The following CSPP1 variants were observed in gnomAD, a reference collection of about 807,000 sequenced individuals.
The protein encoded by CSPP1 is centrosome and spindle pole-associated protein 1.
A neutral mutation model predicts 164.4 loss-of-function variants in CSPP1; 126 were observed. The observed-to-expected ratio is 0.77, with a 90% confidence interval of 0.66 to 0.89. The LOEUF (loss-of-function observed/expected upper bound fraction) is 0.89. CSPP1 is among the 40% of genes least tolerant of loss of function. The probability of loss-of-function intolerance (pLI) is 0.00; values close to 1 mark genes in which losing one functional copy is unlikely to be tolerated. For synonymous variants in CSPP1, 472 were observed against 476.7 expected (o/e 0.99, Z 0.13); for missense variants, 1,395 against 1,449.8 (o/e 0.96, Z 0.61).
chr8:67,081,557 A>G (rs1809186436), intron 3 of CSPP1, among the ~76,000 whole-genome samples: 1 of 152,196 alleles, frequency 6.6e-6, no homozygotes, highest in Non-Finnish European at 1.5e-5. Flanking sequence ...TCTAGGCATA[A>G]TGTTTGTGTT....
At chr8:67,172,286 A>AC in intron 24 of CSPP1, 130 bp from the exon 25 acceptor site, 2 of 639,438 alleles carry the variant, frequency 3.1e-6, no homozygotes, top group Admixed American at 5.6e-5. Context: ...GAGCCACAGC[A>AC]CCTGTCCTAG....
chr8:67,166,121 C>T (rs1829259400), intron 24 of CSPP1, among the ~76,000 whole-genome samples: 1 of 152,082 alleles, frequency 6.6e-6, no homozygotes, highest in African/African-American at 2.4e-5. Flanking sequence ...TGACATGTCC[C>T]CATCCTTTTG....
At chr8:67,087,262 C>G (rs1268508525) in intron 4 of CSPP1, among the ~76,000 whole-genome samples, 2 of 152,020 alleles carry the variant, frequency 1.3e-5, no homozygotes, top group Non-Finnish European at 2.9e-5. Flanking sequence ...TGTTTTTCCA[C>G]CAAAATCTAT....
chr8:67,130,807 G>A (rs1257989297), intron 15 of CSPP1, among the ~76,000 whole-genome samples: 1 of 151,930 alleles, frequency 6.6e-6, no homozygotes, highest in Non-Finnish European at 1.5e-5. Flanking sequence ...GGCCAACATG[G>A]TGAAACCCTG....
chr8:67,090,876 A>G (rs1213614020), intron 4 of CSPP1, among the ~76,000 whole-genome samples: 1 of 152,222 alleles, frequency 6.6e-6, no homozygotes, highest in African/African-American at 2.4e-5. Flanking sequence ...TATCCTTATA[A>G]CCTAGTGATG....
At chr8:67,129,084 A>G (rs1008251164) in intron 15 of CSPP1, among the ~76,000 whole-genome samples, 9 of 152,338 alleles carry the variant, frequency 5.9e-5, no homozygotes, top group South Asian at 2.1e-4. Flanking sequence ...ATGTTAACAG[A>G]ATAAAGAAGA....
At chr8:67,152,077 A>G (rs1331580250) in intron 18 of CSPP1, among the ~76,000 whole-genome samples, 1 of 136,164 alleles carries the variant, frequency 7.3e-6, no homozygotes, top group Non-Finnish European at 1.5e-5. Flanking sequence ...ACAGAGTGAG[A>G]CTCCATCTCA....
chr8:67,150,082 G>T (rs1453836258), intron 18 of CSPP1, 147 bp downstream of exon 18: 3 of 770,436 alleles, frequency 3.9e-6, no homozygotes, highest in Non-Finnish European at 5.5e-6. Flanking sequence ...TTCATAAAGT[G>T]CCTTTTCTTC....
At chr8:67,194,670 TCA>T (rs1202670299) in intron 30 of CSPP1, among the ~76,000 whole-genome samples, 1 of 151,264 alleles carries the variant, frequency 6.6e-6, no homozygotes, top group Admixed American at 6.6e-5. Flanking sequence ...TACCAATCCT[TCA>T]CAGACCAGGA....
At chr8:67,170,936 G>A (rs1830341960) in intron 24 of CSPP1, among the ~76,000 whole-genome samples, 1 of 151,610 alleles carries the variant, frequency 6.6e-6, no homozygotes, top group Non-Finnish European at 1.5e-5. Flanking sequence ...ACAGGCATGC[G>A]CCACCCCACC....
At chr8:67,078,948 G>C (rs1808542479) in intron 3 of CSPP1, among the ~76,000 whole-genome samples, 2 of 152,046 alleles carry the variant, frequency 1.3e-5, no homozygotes, top group Admixed American at 1.3e-4. Flanking sequence ...CTCCAGCCTG[G>C]GTGACAGAGA....
chr8:67,195,294 G>T lies in CSPP1; in HGVS notation c.3470-88G>T, dbSNP rs980776411. ...TGAGACTGTGGGGAAATGCTGAGTT[G>T]TAATGAGTTGGACTACAAGAGACCT... On this transcript the variant is annotated intron_variant, in intron 30 of 30. Coordinates refer to ENST00000678616, the MANE Select transcript of CSPP1 (RefSeq NM_001382391.1). 23 of 830,648 alleles carry T rather than the reference G, an allele frequency of 2.8e-5. No homozygotes were observed. In the African/African-American group the frequency reaches 3.7e-4, roughly 13 times the overall value. The allele number at this position is 830,648 out of a possible 1,614,324, so 51.5% of individuals were successfully genotyped here.
At chr8:67,156,810 CA>C (rs1243189138) in intron 19 of CSPP1, among the ~76,000 whole-genome samples, 1 of 152,164 alleles carries the variant, frequency 6.6e-6, no homozygotes, top group Non-Finnish European at 1.5e-5. Flanking sequence ...GAATGTTTGA[CA>C]TTTTTAACCA....
chr8:67,078,163 C>G (rs910993203), intron 3 of CSPP1, among the ~76,000 whole-genome samples: 5 of 152,040 alleles, frequency 3.3e-5, no homozygotes, highest in African/African-American at 9.7e-5. Context: ...CTTTTAAATT[C>G]TAGGGTTACA....
intron 3 of CSPP1, among the ~76,000 whole-genome samples, chr8:67,078,587 G>A (rs1006929326): frequency 3.9e-5 from 6 of 152,032 alleles, no homozygotes; most frequent in Non-Finnish European, 7.4e-5. Context: ...TCTCGAACTC[G>A]CTAGCTCAAG....
intron 19 of CSPP1, among the ~76,000 whole-genome samples, chr8:67,158,020 T>C (rs999079715): frequency 2.0e-5 from 3 of 152,220 alleles, no homozygotes; most frequent in African/African-American, 7.2e-5. Flanking sequence ...TTTAGAATAA[T>C]CAATTCCAAG....
intron 20 of CSPP1, 64 bp from the exon 21 acceptor site, chr8:67,158,927 G>A: frequency 7.7e-7 from 1 of 1,292,748 alleles, no homozygotes; most frequent in Non-Finnish European, 1.1e-6. Context: ...AAATAAGGCA[G>A]CACATTTTTG....
At chr8:67,096,602 C>T (rs1376370817) in intron 7 of CSPP1, among the ~76,000 whole-genome samples, 12 of 147,992 alleles carry the variant, frequency 8.1e-5, no homozygotes, top group Non-Finnish European at 1.0e-4. Flanking sequence ...TTGTGCCTCA[C>T]GCTTGTAATC....
In CSPP1 at chr8:67,169,311, A is replaced by G. The variant is rs370421575; in HGVS notation, c.2829-3105A>G. 1.3e-3 allele frequency among the ~76,000 whole-genome samples: 198 copies of G among 152,254 alleles called. 1 individual carries two copies. In the Middle Eastern group the frequency reaches 0.017, roughly 13 times the overall value. On this transcript the variant is annotated intron_variant, in intron 24 of 30. Transcript: ENST00000678616. ...AAAACACCCTTACTACCTGCTATCT[A>G]TTAATTTCTTAGGTACCACAGGAAT...
Sources: allele counts gnomAD v4.1 joint callset (sites outside exome capture counted in the v4.1 genomes callset), GRCh38; gene constraint gnomAD v4.1.1; transcripts MANE v1.5; gene names NCBI Gene and HGNC (gene_info 2026-07-23, HGNC 2026-07-21).